The following ATP13A4 variants were observed in gnomAD, a reference collection of about 807,000 sequenced individuals.
ATP13A4 encodes probable cation-transporting ATPase 13A4.
Under a neutral mutation model 142.5 loss-of-function variants are expected in ATP13A4, and 114 were observed. That is an observed-to-expected ratio of 0.80 (90% CI 0.69 to 0.93). ATP13A4 has a LOEUF of 0.93. Among genes scored for constraint, ATP13A4 ranks in the 40% least tolerant of loss-of-function variants. The probability of loss-of-function intolerance (pLI) is 0.00; values close to 1 mark genes in which losing one functional copy is unlikely to be tolerated. For synonymous variants in ATP13A4, 488 were observed against 514.8 expected (o/e 0.95, Z 0.70); for missense variants, 1,392 against 1,454.0 (o/e 0.96, Z 0.69).
chr3:193,578,339 ATATC>A (rs1315120262), intron 2 of ATP13A4, among the ~76,000 whole-genome samples: 48 of 134,168 alleles, frequency 3.6e-4, no homozygotes, highest in Middle Eastern at 3.9e-3. Flanking sequence ...ATCTATATCT[ATATC>A]TATCTATCTA....
chr3:193,438,930 T>G, intron 22 of ATP13A4, 93 bp downstream of exon 22: 248 of 1,304,866 alleles, frequency 1.9e-4, no homozygotes, highest in Middle Eastern at 3.6e-4. Context: ...TAAATGAATG[T>G]GAGATTATGA....
At chr3:193,461,281 G>A (rs2088079039) in intron 13 of ATP13A4, among the ~76,000 whole-genome samples, 1 of 152,206 alleles carries the variant, frequency 6.6e-6, no homozygotes, top group South Asian at 2.1e-4. Context: ...CATTTTAGAT[G>A]AGCGATTACT....
chr3:193,585,015 C>T (rs1451511325), intron 1 of ATP13A4, among the ~76,000 whole-genome samples: 1 of 152,180 alleles, frequency 6.6e-6, no homozygotes, highest in Non-Finnish European at 1.5e-5. Context: ...TAAATGGATG[C>T]TCTAAATCAA....
chr3:193,550,997 C>T (rs1231902036), intron 1 of ATP13A4, among the ~76,000 whole-genome samples: 1 of 152,198 alleles, frequency 6.6e-6, no homozygotes, highest in African/African-American at 2.4e-5. Context: ...CATTCTCATA[C>T]TCTCACTTTA....
chr3:193,555,657 T>C (rs1410754185), upstream of ATP13A4, among the ~76,000 whole-genome samples: 1 of 152,212 alleles, frequency 6.6e-6, no homozygotes, highest in Non-Finnish European at 1.5e-5. Context: ...AGGGACTACC[T>C]AAAAAAGTTA....
chr3:193,532,252 T>A (rs1722374558), intron 1 of ATP13A4, among the ~76,000 whole-genome samples: 1 of 151,806 alleles, frequency 6.6e-6, no homozygotes, highest in Non-Finnish European at 1.5e-5. Context: ...AATGTAAAAA[T>A]TAAATGTTTT....
intron 29 of ATP13A4, among the ~76,000 whole-genome samples, chr3:193,406,276 A>G (rs1434800304): frequency 2.0e-5 from 3 of 152,252 alleles, no homozygotes; most frequent in Non-Finnish European, 2.9e-5. Context: ...GCTCCTGTGC[A>G]GCCTTCACTC....
Position 193,456,996 on chromosome 3 carries a change from A to T in ATP13A4, c.1915+4T>A. ...CCAGGTGTAATCCAAGTCAAGTTACAGACCTGTCTCAGGTTGGCAAAAGCT... is the reference window on the plus strand; with the variant it reads ...CCAGGTGTAATCCAAGTCAAGTTACTGACCTGTCTCAGGTTGGCAAAAGCT... On this transcript the variant is annotated splice_donor_region_variant and intron_variant, in intron 16 of 29. Coordinates refer to ENST00000342695, the MANE Select transcript of ATP13A4 (RefSeq NM_032279.4). The T allele has an allele frequency of 6.2e-7, 1 of 1,611,500 alleles. No homozygotes were observed. Among genetic ancestry groups the T allele is most frequent in the Non-Finnish European group, 8.5e-7 (1 of 1,178,794 alleles).
At chr3:193,559,982 T>C (rs1560283011), upstream of ATP13A4, among the ~76,000 whole-genome samples, 1 of 152,158 alleles carries the variant, frequency 6.6e-6, no homozygotes, top group Non-Finnish European at 1.5e-5. Flanking sequence ...TTGAGAACTT[T>C]TAACCTAAAA....
chr3:193,478,353 A>T (rs1647718418), intron 8 of ATP13A4, among the ~76,000 whole-genome samples: 1 of 152,022 alleles, frequency 6.6e-6, no homozygotes, highest in Non-Finnish European at 1.5e-5. Flanking sequence ...CTTTGAAAAG[A>T]TAAATAAAAT....
chr3:193,497,904 G>A (rs755854794), intron 3 of ATP13A4, among the ~76,000 whole-genome samples: 16 of 152,250 alleles, frequency 1.1e-4, no homozygotes, highest in South Asian at 4.1e-4. Context: ...TTGGCTATCC[G>A]AGGTTGGGGG....
At chr3:193,515,776 A>C (rs1721377055) in intron 1 of ATP13A4, among the ~76,000 whole-genome samples, 1 of 152,242 alleles carries the variant, frequency 6.6e-6, no homozygotes, top group Non-Finnish European at 1.5e-5. Flanking sequence ...CCACAACTTT[A>C]TCCCACAAAG....
intron 2 of ATP13A4, among the ~76,000 whole-genome samples, chr3:193,507,779 C>G (rs1185717475): frequency 1.3e-5 from 2 of 152,104 alleles, no homozygotes; most frequent in African/African-American, 4.8e-5. Context: ...GGAATGCCTG[C>G]ATGCCAAGCA....
At chr3:193,419,318 G>A (rs1715286782) in intron 25 of ATP13A4, among the ~76,000 whole-genome samples, 2 of 150,344 alleles carry the variant, frequency 1.3e-5, no homozygotes, top group South Asian at 4.2e-4. Flanking sequence ...CTTGGAGCTT[G>A]AGATGACGCT....
At chr3:193,418,204 C>T (rs1715203728) in intron 25 of ATP13A4, among the ~76,000 whole-genome samples, 1 of 130,220 alleles carries the variant, frequency 7.7e-6, no homozygotes, top group East Asian at 2.5e-4. Flanking sequence ...GTAGTCCCAG[C>T]TACTCAGGAG....
intron 13 of ATP13A4, among the ~76,000 whole-genome samples, chr3:193,461,792 G>C (rs77457118): frequency 1.1e-3 from 170 of 152,218 alleles, no homozygotes; most frequent in African/African-American, 4.0e-3. Context: ...CTGATTCCAC[G>C]GGAGTTCGTA....
chr3:193,509,184 T>A (rs1023018701), intron 2 of ATP13A4, among the ~76,000 whole-genome samples: 5 of 152,194 alleles, frequency 3.3e-5, no homozygotes, highest in Admixed American at 2.6e-4. Context: ...GCAGCCACCA[T>A]CACCTTTTAA....
intron 25 of ATP13A4, among the ~76,000 whole-genome samples, chr3:193,426,515 A>G (rs956251891): frequency 2.0e-5 from 3 of 151,882 alleles, no homozygotes; most frequent in Admixed American, 6.6e-5. Flanking sequence ...GTCAGTCCTC[A>G]GATTTATATG....
chr3:193,576,130 G>A (rs1210162226), intron 2 of ATP13A4, among the ~76,000 whole-genome samples: 2 of 152,058 alleles, frequency 1.3e-5, no homozygotes, highest in East Asian at 3.9e-4. Flanking sequence ...CTGATTTAGA[G>A]GAAGCCAAAG....
Sources: allele counts gnomAD v4.1 joint callset (sites outside exome capture counted in the v4.1 genomes callset), GRCh38; gene constraint gnomAD v4.1.1; transcripts MANE v1.5; gene names NCBI Gene and HGNC (gene_info 2026-07-23, HGNC 2026-07-21).